The following SPPL3 variants were observed in gnomAD, a reference collection of about 807,000 sequenced individuals.
The protein encoded by SPPL3 is signal peptide peptidase like 3.
In SPPL3, 5 loss-of-function variants were observed where a neutral mutation model predicts 42.4. The ratio of observed to expected loss-of-function variants is 0.12; its 90% CI spans 0.06 to 0.25. The LOEUF (loss-of-function observed/expected upper bound fraction) is 0.25, where lower values mean the gene tolerates loss of function less well. Ranked by LOEUF, SPPL3 falls within the 10% of genes least tolerant of loss-of-function variation. The pLI, the probability that SPPL3 is intolerant of heterozygous loss-of-function variation, is 1.00. For synonymous variants in SPPL3, 195 were observed against 181.8 expected, an observed-to-expected ratio of 1.07 and a Z score of -0.58; for missense variants, 235 against 489.0, an observed-to-expected ratio of 0.48 and a Z score of 4.90.
chr12:120,772,962 T>A (rs1869177664), intron 6 of SPPL3, among the ~76,000 whole-genome samples: 1 of 152,260 alleles, frequency 6.6e-6, no homozygotes, highest in Non-Finnish European at 1.5e-5. Flanking sequence ...TTTATTATAC[T>A]AAGGTCTCCT....
chr12:120,768,584 G>T, intron 7 of SPPL3, 96 bp from the exon 8 acceptor site: 6 of 1,314,912 alleles, frequency 4.6e-6, no homozygotes, highest in Non-Finnish European at 6.3e-6. Flanking sequence ...GTCTCAGAAT[G>T]CTGTGACTGC....
intron 1 of SPPL3, among the ~76,000 whole-genome samples, chr12:120,888,099 A>T (rs765519267): frequency 6.6e-6 from 1 of 151,656 alleles, no homozygotes; most frequent in Non-Finnish European, 1.5e-5. Flanking sequence ...TTTTTTAGAC[A>T]GAGTCTTGCT....
chr12:120,830,896 C>T (rs902207613), intron 1 of SPPL3, among the ~76,000 whole-genome samples: 4 of 152,130 alleles, frequency 2.6e-5, no homozygotes, highest in South Asian at 2.1e-4. Context: ...TGCCCAGCTA[C>T]GTGGTTATAC....
chr12:120,890,508 G>A (rs1360035266), intron 1 of SPPL3, among the ~76,000 whole-genome samples: 1 of 147,002 alleles, frequency 6.8e-6, no homozygotes, highest in Non-Finnish European at 1.5e-5. Context: ...AGAATCGCTT[G>A]AATCTGGAAG....
intron 1 of SPPL3, among the ~76,000 whole-genome samples, chr12:120,882,884 C>CTCCCGTCTCAAAAAACAAACAAACAAA (rs1873337636): frequency 6.6e-6 from 1 of 151,862 alleles, no homozygotes; most frequent in Non-Finnish European, 1.5e-5. Context: ...CAGAGCTAGA[C>CTCCCGTCTCAAAAAACAAACAAACAAA]CCTGGCTTTT....
chr12:120,885,792 GGGACTCAGCCAAA>G (rs1391537299), intron 1 of SPPL3, among the ~76,000 whole-genome samples: 2 of 151,914 alleles, frequency 1.3e-5, no homozygotes, highest in Admixed American at 1.3e-4. Context: ...GAAAGTGATG[GGGACTCAGCCAAA>G]TTAGAAAATG....
intron 2 of SPPL3, among the ~76,000 whole-genome samples, chr12:120,797,772 C>A (rs748791753): frequency 1.2e-4 from 19 of 152,174 alleles, no homozygotes; most frequent in Non-Finnish European, 2.6e-4. Flanking sequence ...CTGGAAGAAA[C>A]TTAACCAAAT....
chr12:120,901,590 T>A (rs1352660146), intron 1 of SPPL3, among the ~76,000 whole-genome samples: 22 of 103,410 alleles, frequency 2.1e-4, no homozygotes, highest in African/African-American at 4.6e-4. Context: ...GACTCCGTCC[T>A]AAAAAAAAAA....
intron 1 of SPPL3, among the ~76,000 whole-genome samples, chr12:120,874,656 G>A (rs1416164953): frequency 1.3e-5 from 2 of 152,014 alleles, no homozygotes; most frequent in Non-Finnish European, 2.9e-5. Context: ...TTCCAATATG[G>A]CATCAATATT....
chr12:120,830,536 AGAGGG>A (rs1253678904), intron 1 of SPPL3, among the ~76,000 whole-genome samples: 1 of 1,552 alleles, frequency 6.4e-4, no homozygotes, highest in Non-Finnish European at 1.3e-3. Context: ...GGGGGAGAGC[AGAGGG>A]GAGGGGAGGG....
At chr12:120,872,981 G>T (rs989410801) in intron 1 of SPPL3, among the ~76,000 whole-genome samples, 2 of 152,060 alleles carry the variant, frequency 1.3e-5, no homozygotes, top group Non-Finnish European at 2.9e-5. Flanking sequence ...ACGAAGAAGT[G>T]AAAAAGACCC....
chr12:120,767,401 G>A lies in SPPL3; in HGVS notation c.966C>T (p.Tyr322=). ...VSYFHCTLIG[Y]FVGLLTATVA... is the part of the protein sequence containing the mutation. ...TCTCTCTGGTTCTCTTACCTACAAAGTATCCGATGAGGGTGCAGTGAAAGT... is the reference window on the plus strand; with the variant it reads ...TCTCTCTGGTTCTCTTACCTACAAAATATCCGATGAGGGTGCAGTGAAAGT... The change falls in exon 9 of 11, where the codon TAC becomes TAT. Residue 322 remains tyrosine, a synonymous_variant. Coordinates refer to ENST00000353487, the MANE Select transcript of SPPL3 (RefSeq NM_139015.5). The A allele has an allele frequency of 6.2e-7, 1 of 1,612,374 alleles. No homozygotes were observed. The highest frequency in any genetic ancestry group is 8.5e-7 in the Non-Finnish European group (1 of 1,179,998).
At chr12:120,862,038 T>C (rs1488280611) in intron 1 of SPPL3, among the ~76,000 whole-genome samples, 1 of 152,178 alleles carries the variant, frequency 6.6e-6, no homozygotes, top group Non-Finnish European at 1.5e-5. Flanking sequence ...CAGAAAATAA[T>C]GTCCACAGTG....
intron 1 of SPPL3, among the ~76,000 whole-genome samples, chr12:120,872,708 C>T (rs1284455880): frequency 1.3e-5 from 2 of 152,174 alleles, no homozygotes; most frequent in African/African-American, 4.8e-5. Flanking sequence ...GCCAACACTT[C>T]CCAGAGCTCC....
chr12:120,809,344 CA>C (rs772373753), intron 2 of SPPL3, among the ~76,000 whole-genome samples: 22 of 133,858 alleles, frequency 1.6e-4, no homozygotes, highest in Middle Eastern at 4.0e-3. Context: ...GACTCCGTCT[CA>C]AAAAAAAAAA....
chr12:120,792,167 G>C (rs929888389), intron 2 of SPPL3, among the ~76,000 whole-genome samples: 3 of 152,156 alleles, frequency 2.0e-5, no homozygotes, highest in Non-Finnish European at 2.9e-5. Flanking sequence ...GGAAATGCAG[G>C]GGTTAGGGTT....
chr12:120,797,784 A>C (rs138743589), intron 2 of SPPL3, among the ~76,000 whole-genome samples: 8 of 152,154 alleles, frequency 5.3e-5, no homozygotes, highest in Non-Finnish European at 8.8e-5. Context: ...TAACCAAATG[A>C]CTGGGCTCAG....
Position 120,795,286 on chromosome 12 carries a change from A to G in SPPL3, c.102-3729T>C, listed in dbSNP as rs190589163. On this transcript the variant is annotated intron_variant, in intron 2 of 10. Transcript: ENST00000353487. ...TTTACACAACTGTAAATAGAAAAAA[A>G]CTTTTATCGATGGATGTTCATTTCT... 1.4e-4 allele frequency among the ~76,000 whole-genome samples: 21 copies of G among 152,314 alleles called. No homozygotes were observed. The East Asian group carries it at 4.0e-3, about 29-fold the overall frequency.
intron 1 of SPPL3, among the ~76,000 whole-genome samples, chr12:120,818,620 T>C (rs1173878765): frequency 6.6e-6 from 1 of 152,230 alleles, no homozygotes; most frequent in Non-Finnish European, 1.5e-5. Context: ...CTTCCAGCTA[T>C]ACAATGAAAG....
Sources: gnomAD v4.1 joint callset for allele counts (sites outside exome capture counted in the v4.1 genomes callset) on GRCh38, gnomAD v4.1.1 for gene constraint, MANE v1.5 for transcripts, NCBI Gene and HGNC (gene_info 2026-07-23, HGNC 2026-07-21) for gene names.